The following SNX1 variants were observed in gnomAD, a reference collection of about 807,000 sequenced individuals.
SNX1 encodes the protein sorting nexin-1.
SNX1 carries 36 observed loss-of-function variants against 71.8 expected under a neutral mutation model. The ratio of observed to expected loss-of-function variants is 0.50; its 90% CI spans 0.38 to 0.66. SNX1 has a LOEUF of 0.66. Among genes scored for constraint, SNX1 ranks in the 30% least tolerant of loss-of-function variants. The pLI is 0.00. For synonymous variants in SNX1, 254 were observed against 240.7 expected (o/e 1.06, Z -0.51); for missense variants, 612 against 646.7 (o/e 0.95, Z 0.58).
intron 2 of SNX1, among the ~76,000 whole-genome samples, chr15:64,113,055 A>G (rs1019031231): frequency 1.5e-4 from 23 of 152,244 alleles, no homozygotes; most frequent in Admixed American, 1.5e-3. Context: ...ATTTGGTGTC[A>G]TAATCCAAAA....
chr15:64,126,020 T>C, intron 5 of SNX1, 59 bp from the exon 6 acceptor site: 1 of 1,582,486 alleles, frequency 6.3e-7, no homozygotes, highest in Non-Finnish European at 8.7e-7. Context: ...TAGGATGACT[T>C]TCAAGATACC....
intron 1 of SNX1, 90 bp downstream of exon 1, chr15:64,096,262 G>C (rs937503005): frequency 7.0e-7 from 1 of 1,436,066 alleles, no homozygotes; most frequent in South Asian, 1.3e-5. Flanking sequence ...GGGCAGAGTG[G>C]GCCCGGTGAG....
chr15:64,127,919 C>G, intron 8 of SNX1, 113 bp downstream of exon 8: 1 of 712,094 alleles, frequency 1.4e-6, no homozygotes, highest in Non-Finnish European at 2.4e-6. Context: ...TAGACTGTAT[C>G]CTAGTTTTGT....
At chr15:64,136,449 G>A (rs1368337536) in intron 13 of SNX1, 39 bp downstream of exon 13, 6 of 1,532,402 alleles carry the variant, frequency 3.9e-6, no homozygotes, top group Non-Finnish European at 5.4e-6. Flanking sequence ...AGCATGCAGT[G>A]CTTGTTTTGG....
At chr15:64,127,137 G>T in intron 6 of SNX1, 37 bp from the exon 7 acceptor site, 1 of 1,486,480 alleles carries the variant, frequency 6.7e-7, no homozygotes, top group South Asian at 1.2e-5. Flanking sequence ...TCTTCATGAT[G>T]ATTTATGGTT....
intron 1 of SNX1, among the ~76,000 whole-genome samples, chr15:64,104,579 G>A (rs1381712959): frequency 1.3e-5 from 2 of 151,810 alleles, no homozygotes; most frequent in African/African-American, 2.4e-5. Flanking sequence ...GGCCCAGGGA[G>A]AAGACTTTTA....
intron 2 of SNX1, among the ~76,000 whole-genome samples, chr15:64,117,503 C>A (rs2081142311): frequency 6.6e-6 from 1 of 152,182 alleles, no homozygotes; most frequent in African/African-American, 2.4e-5. Context: ...GGCAGTCCTC[C>A]CACCTTGGCC....
chr15:64,126,291 C>A (rs891624325), intron 6 of SNX1, 71 bp downstream of exon 6: 5 of 1,488,692 alleles, frequency 3.4e-6, no homozygotes, highest in African/African-American at 1.4e-5. Flanking sequence ...ACTCACTGTT[C>A]AGTATATGAG....
intron 1 of SNX1, among the ~76,000 whole-genome samples, chr15:64,105,573 T>G (rs1488614168): frequency 6.6e-6 from 1 of 152,240 alleles, no homozygotes; most frequent in Non-Finnish European, 1.5e-5. Context: ...AGCTTCATTC[T>G]GCTTTCAGAG....
rs1130603 is a variant in SNX1 at position 64,126,198 on chromosome 15, G to A, written c.630G>A (p.Pro210=). 1,212,498 of 1,613,282 alleles carry A rather than the reference G, an allele frequency of 0.75. 465,869 individuals carry two copies. The highest frequency in any genetic ancestry group is 0.81 in the East Asian group (36,552 of 44,860). ...KHSQNGFIVP[P]PPEKSLIGMT... is the part of the protein sequence containing the mutation. ...CTCAGAATGGCTTCATTGTCCCTCC[G>A]CCCCCGGAGAAGAGCCTCATAGGTA... is the stretch of plus-strand genomic sequence containing the variant. Residue 210 remains proline, a synonymous_variant, in exon 6 of 15, where the codon CCG becomes CCA. Coordinates refer to ENST00000559844, the MANE Select transcript of SNX1 (RefSeq NM_003099.5).
chr15:64,118,696 ATTT>A (rs1279611166), intron 3 of SNX1, 89 bp from the exon 4 acceptor site: 4 of 920,906 alleles, frequency 4.3e-6, no homozygotes, highest in Non-Finnish European at 6.8e-6. Flanking sequence ...ATACATCTTG[ATTT>A]TATTAGATTG....
At chr15:64,122,649 C>T (rs1430514976) in intron 4 of SNX1, among the ~76,000 whole-genome samples, 1 of 151,988 alleles carries the variant, frequency 6.6e-6, no homozygotes, top group Non-Finnish European at 1.5e-5. Flanking sequence ...CTAGGTTTTC[C>T]GGTTTGATGT....
chr15:64,119,737 A>AAAACAC (rs781321747), intron 4 of SNX1, among the ~76,000 whole-genome samples: 204 of 141,094 alleles, frequency 1.4e-3, no homozygotes, highest in Admixed American at 3.3e-3. Context: ...AAAAAAAAAA[A>AAAACAC]ACACACACAC....
intron 7 of SNX1, 90 bp downstream of exon 7, chr15:64,127,342 T>TA (rs773600740): frequency 1.9e-5 from 19 of 1,000,316 alleles, no homozygotes; most frequent in Admixed American, 5.0e-5. Context: ...TCCATTGAGT[T>TA]AGAGATGAAA....
intron 10 of SNX1, 151 bp downstream of exon 10, chr15:64,130,472 T>C: frequency 1.5e-6 from 1 of 657,420 alleles, no homozygotes. Flanking sequence ...AAAAAAGGTA[T>C]GCCCTGTGTC....
In SNX1 at chr15:64,138,310, A is replaced by G; in HGVS notation, c.*692A>G. On this transcript the variant is annotated 3_prime_UTR_variant, in exon 15 of 15. Coordinates refer to ENST00000559844, the MANE Select transcript of SNX1 (RefSeq NM_003099.5). ...ACCTATTCTCCTGCAAAGGAGGCAG[A>G]GACTTTCTCTCTCTCTTTTTTTTTT... The G allele has an allele frequency of 1.1e-6, 1 of 938,030 alleles. No individual in the cohort carries two copies. The highest frequency in any genetic ancestry group is 1.5e-6 in the Non-Finnish European group (1 of 676,630). The allele number at this position is 938,030 out of a possible 1,614,324, so 58.1% of individuals were successfully genotyped here. A position where few individuals can be genotyped will look rare whatever the true frequency, so the allele number is the denominator to read the frequency against.
intron 1 of SNX1, among the ~76,000 whole-genome samples, chr15:64,110,107 A>C (rs894655546): frequency 1.3e-5 from 2 of 152,206 alleles, no homozygotes; most frequent in Non-Finnish European, 2.9e-5. Flanking sequence ...CAGTAACTAA[A>C]AGTGGGATTT....
chr15:64,126,345 C>A, intron 6 of SNX1, 125 bp downstream of exon 6: 1 of 1,100,126 alleles, frequency 9.1e-7, no homozygotes, highest in Non-Finnish European at 1.3e-6. Context: ...GAGACATTTC[C>A]AGTGTTTTCC....
intron 4 of SNX1, among the ~76,000 whole-genome samples, chr15:64,122,359 TC>T (rs2081204586): frequency 6.6e-6 from 1 of 152,250 alleles, no homozygotes; most frequent in South Asian, 2.1e-4. Flanking sequence ...AAGTTGGTAA[TC>T]AGTATAAAAT....
Sources: allele counts gnomAD v4.1 joint callset (sites outside exome capture counted in the v4.1 genomes callset), GRCh38; gene constraint gnomAD v4.1.1; transcripts MANE v1.5; gene names NCBI Gene and HGNC (gene_info 2026-07-23, HGNC 2026-07-21).